PAPPA2: variants seen among roughly 807,000 people sequenced by gnomAD.
PAPPA2 encodes the protein pappalysin 2.
PAPPA2 carries 86 observed loss-of-function variants against 176.4 expected under a neutral mutation model. That is an observed-to-expected ratio of 0.49 (90% confidence interval 0.41 to 0.58). The LOEUF (loss-of-function observed/expected upper bound fraction) is 0.58. Among genes scored for constraint, PAPPA2 ranks in the 20% least tolerant of loss-of-function variants. PAPPA2 has a pLI of 0.00. For synonymous variants in PAPPA2, 809 were observed against 852.2 expected (o/e 0.95, Z 0.88); for missense variants, 2,073 against 2,256.9 (o/e 0.92, Z 1.65).
chr1:176,842,721 G>T lies in PAPPA2; in HGVS notation c.*267G>T. On this transcript the variant is annotated 3_prime_UTR_variant, in exon 23 of 23. Coordinates refer to ENST00000367662, the MANE Select transcript of PAPPA2 (RefSeq NM_020318.3). ...AAGGGGAAATATGATAGATATATAA[G>T]GACCCTCCTCCCTCACTTATATTCT... 2.2e-6 allele frequency: 1 copy of T among 447,992 alleles called. No homozygotes were observed. The highest frequency in any genetic ancestry group is 2.0e-5 in the African/African-American group (1 of 49,936). The allele number at this position is 447,992 out of a possible 1,614,324, so 27.8% of individuals were successfully genotyped here. A position where few individuals can be genotyped will look rare whatever the true frequency, so the allele number is the denominator to read the frequency against.
intron 1 of PAPPA2, among the ~76,000 whole-genome samples, chr1:176,508,698 G>A (rs145866510): frequency 0.079 from 12,033 of 152,132 alleles, 588 homozygotes; most frequent in South Asian, 0.15. Flanking sequence ...GAGTGACCTC[G>A]TGGGAAATGA....
At chr1:176,555,254 C>A (rs1651209817) in intron 1 of PAPPA2, among the ~76,000 whole-genome samples, 153 bp from the exon 2 acceptor site, 1 of 152,146 alleles carries the variant, frequency 6.6e-6, no homozygotes, top group East Asian at 1.9e-4. Context: ...TCATCATTGT[C>A]TTTAAATGAA....
intron 12 of PAPPA2, among the ~76,000 whole-genome samples, chr1:176,731,631 A>G (rs1308646861): frequency 2.0e-5 from 3 of 151,668 alleles, no homozygotes; most frequent in Non-Finnish European, 4.4e-5. Flanking sequence ...ACTTTGAGAT[A>G]TATTTATATG....
At chr1:176,553,305 A>G (rs1219319687) in intron 1 of PAPPA2, among the ~76,000 whole-genome samples, 1 of 144,524 alleles carries the variant, frequency 6.9e-6, no homozygotes, top group Non-Finnish European at 1.5e-5. Flanking sequence ...ACCTTCTAGT[A>G]GCTTTGTGTT....
chr1:176,671,416 A>G (rs978772471), intron 4 of PAPPA2, among the ~76,000 whole-genome samples: 3 of 152,212 alleles, frequency 2.0e-5, no homozygotes, highest in African/African-American at 7.2e-5. Context: ...CAGAGCCCCA[A>G]GTGGGGAACT....
chr1:176,631,071 G>A (rs757196808), intron 3 of PAPPA2, among the ~76,000 whole-genome samples: 3 of 152,150 alleles, frequency 2.0e-5, no homozygotes, highest in Non-Finnish European at 4.4e-5. Flanking sequence ...ATGCTTCGAC[G>A]AAACTGGAAA....
intron 12 of PAPPA2, among the ~76,000 whole-genome samples, chr1:176,714,384 T>C (rs1298820782): frequency 6.6e-6 from 1 of 151,880 alleles, no homozygotes; most frequent in Non-Finnish European, 1.5e-5. Context: ...TTCTCTTCAA[T>C]TGGGAGACTT....
chr1:176,576,013 G>A (rs1186441429), intron 2 of PAPPA2, among the ~76,000 whole-genome samples: 1 of 152,102 alleles, frequency 6.6e-6, no homozygotes, highest in Non-Finnish European at 1.5e-5. Context: ...CAGATGGACT[G>A]TACTCTTTCT....
rs565623026 is a variant in PAPPA2, at chr1:176,767,806, G to A, written c.4324-1801G>A. On this transcript the variant is annotated intron_variant, in intron 15 of 22. Coordinates refer to ENST00000367662, the MANE Select transcript of PAPPA2 (RefSeq NM_020318.3). ...AACAGTGCTCTCCAGCTGACCAAAC[G>A]TGCTGTCACCTCAGGCTGGTCCCAT... Among the ~76,000 whole-genome samples, 90 of 152,302 alleles carry A rather than the reference G, an allele frequency of 5.9e-4. No homozygotes were observed. In the Middle Eastern group the frequency reaches 0.01, roughly 17 times the overall value.
chr1:176,497,488 A>G (rs1022560743), intron 1 of PAPPA2, among the ~76,000 whole-genome samples: 1 of 152,234 alleles, frequency 6.6e-6, no homozygotes, highest in Non-Finnish European at 1.5e-5. Flanking sequence ...ATTTTGGAGC[A>G]GGGATTTCAA....
chr1:176,748,679 A>G (rs1398467768), intron 14 of PAPPA2, among the ~76,000 whole-genome samples: 1 of 152,196 alleles, frequency 6.6e-6, no homozygotes, highest in East Asian at 1.9e-4. Flanking sequence ...TGATTTCATA[A>G]GATTATAATA....
rs889209344 is a variant in PAPPA2, at chr1:176,767,621, C to G, written c.4323+1784C>G. On this transcript the variant is annotated intron_variant, in intron 15 of 22. Coordinates refer to ENST00000367662, the MANE Select transcript of PAPPA2 (RefSeq NM_020318.3). The stretch of plus-strand genomic sequence containing the variant: ...TTGCCCTCCCAAAGTGCTGGGATTA[C>G]AGGTGTGAGCCACTGCCCCCAGCCT... 3.3e-5 allele frequency among the ~76,000 whole-genome samples: 5 copies of G among 152,180 alleles called. No homozygotes were observed. In the East Asian group the frequency reaches 9.7e-4, roughly 29 times the overall value.
chr1:176,714,405 G>A (rs1348498966), intron 12 of PAPPA2, among the ~76,000 whole-genome samples: 3 of 150,440 alleles, frequency 2.0e-5, no homozygotes, highest in African/African-American at 7.3e-5. Flanking sequence ...AGCCTTACTG[G>A]GAGAAAAAAA....
chr1:176,643,530 C>G (rs1657217147), intron 3 of PAPPA2, among the ~76,000 whole-genome samples: 1 of 151,490 alleles, frequency 6.6e-6, no homozygotes, highest in Non-Finnish European at 1.5e-5. Context: ...TTGCAGATTC[C>G]TGGTCTAGAG....
chr1:176,500,806 A>G (rs1246659304), intron 1 of PAPPA2, among the ~76,000 whole-genome samples: 2 of 151,242 alleles, frequency 1.3e-5, no homozygotes, highest in African/African-American at 4.8e-5. Context: ...AATCTAAACC[A>G]TGGTTACTGT....
chr1:176,710,309 C>A, intron 11 of PAPPA2, 133 bp downstream of exon 11: 1 of 760,666 alleles, frequency 1.3e-6, no homozygotes, highest in East Asian at 2.7e-5. Context: ...GGGAACATTA[C>A]TGGATCTGCC....
intron 1 of PAPPA2, among the ~76,000 whole-genome samples, chr1:176,521,146 A>T (rs1315309371): frequency 6.6e-6 from 1 of 151,712 alleles, no homozygotes; most frequent in Admixed American, 6.6e-5. Context: ...AGGGCGGTGT[A>T]GTGGATTAAA....
chr1:176,559,518 G>A (rs1410213698), intron 2 of PAPPA2, among the ~76,000 whole-genome samples: 1 of 152,198 alleles, frequency 6.6e-6, no homozygotes, highest in Non-Finnish European at 1.5e-5. Context: ...TACTCACTGT[G>A]CTTAGCTGCT....
chr1:176,569,188 A>G (rs1395593133), intron 2 of PAPPA2, among the ~76,000 whole-genome samples: 9 of 152,172 alleles, frequency 5.9e-5, no homozygotes, highest in Admixed American at 3.9e-4. Flanking sequence ...ATATGATACA[A>G]TCATGCTCTC....
Sources: gnomAD v4.1 joint callset for allele counts (sites outside exome capture counted in the v4.1 genomes callset) on GRCh38, gnomAD v4.1.1 for gene constraint, MANE v1.5 for transcripts, NCBI Gene and HGNC (gene_info 2026-07-23, HGNC 2026-07-21) for gene names.